PHKA2: variants seen among roughly 807,000 people sequenced by gnomAD.
PHKA2 encodes phosphorylase kinase regulatory subunit alpha 2.
A neutral mutation model predicts 102.0 loss-of-function variants in PHKA2; 31 were observed. The ratio of observed to expected loss-of-function variants is 0.30; its 90% confidence interval spans 0.23 to 0.41. PHKA2 has a LOEUF of 0.41. Among genes scored for constraint, PHKA2 ranks in the 10% least tolerant of loss-of-function variants. The pLI, the probability that PHKA2 is intolerant of heterozygous loss-of-function variation, is 1.00. For synonymous variants in PHKA2, 455 were observed against 416.2 expected, an observed-to-expected ratio of 1.09 and a Z score of -1.13; for missense variants, 858 against 1,023.1, an observed-to-expected ratio of 0.84 and a Z score of 2.20.
At chrX:18,939,937 T>C (rs2048463539) in intron 9 of PHKA2, 58 bp downstream of exon 9, 7 of 792,041 alleles carry the variant, frequency 8.8e-6, no homozygotes, top group Middle Eastern at 5.6e-4. Context: ...GAACAACACA[T>C]TGGCAACTTA....
Position 18,901,524 on chromosome X carries a change from C to G in PHKA2, c.2988G>C (p.Glu996Asp), listed in dbSNP as rs2047681116. 1 of 1,206,047 alleles carries G rather than the reference C, an allele frequency of 8.3e-7. No individual in the cohort carries two copies. Among genetic ancestry groups the G allele is most frequent in the East Asian group, 3.0e-5 (1 of 33,829 alleles). The change falls in exon 27 of 33, where the codon GAG (glutamate) becomes GAC (aspartate). Residue 996 changes from glutamate to aspartate, a missense_variant. Coordinates refer to ENST00000379942, the MANE Select transcript of PHKA2 (RefSeq NM_000292.3). ...EVGHTGVTKTERSGINRLRSE... is the reference protein window; with the variant it reads ...EVGHTGVTKTDRSGINRLRSE... ...TCCTCAGTCTGTTAATGCCACTCCT[C>G]TCAGTTTTGGTGACTCCGGTATGGC... is the stretch of plus-strand genomic sequence containing the variant.
chrX:18,948,292 G>T lies in PHKA2; in HGVS notation c.537+452C>A, dbSNP rs766161720. On this transcript the variant is annotated intron_variant, in intron 5 of 32. Transcript: ENST00000379942. ...AGTTTGAGACCAGCCTGGCCAACAT[G>T]GTGAAACCCCGTTTCTATTAAAAAT... Among the ~76,000 whole-genome samples the T allele has an allele frequency of 4.6e-3, 507 of 111,233 alleles. 4 individuals carry two copies. Among genetic ancestry groups the T allele is most frequent in the African/African-American group, 0.015 (455 of 30,613 alleles).
At chrX:18,921,467 A>G (rs928228462) in intron 17 of PHKA2, among the ~76,000 whole-genome samples, 1 of 111,927 alleles carries the variant, frequency 8.9e-6, no homozygotes, top group African/African-American at 3.2e-5. Context: ...AAAAGCCAAA[A>G]CTGTGACTCA....
chrX:18,925,628 G>T, intron 15 of PHKA2, 40 bp downstream of exon 15: 1 of 762,613 alleles, frequency 1.3e-6, no homozygotes, highest in Non-Finnish European at 2.1e-6. Flanking sequence ...ACAGCAAAGA[G>T]AACTTAAAAA....
chrX:18,904,629 T>C (rs180835657), intron 26 of PHKA2, among the ~76,000 whole-genome samples: 1 of 112,254 alleles, frequency 8.9e-6, no homozygotes, highest in African/African-American at 3.2e-5. Flanking sequence ...TGGAAATTAC[T>C]TTTGCAAAAG....
At chrX:18,900,821 G>A (rs2047666840) in intron 27 of PHKA2, 122 bp from the exon 28 acceptor site, 2 of 569,960 alleles carry the variant, frequency 3.5e-6, no homozygotes, top group Admixed American at 4.9e-5. Context: ...TGACCCATGA[G>A]TGCATCATGG....
chrX:18,963,089 C>T (rs1187719895), intron 1 of PHKA2, among the ~76,000 whole-genome samples: 1 of 112,740 alleles, frequency 8.9e-6, no homozygotes, highest in Non-Finnish European at 1.9e-5. Flanking sequence ...TCGTCCCTGT[C>T]CTGATGGAAA....
Position 18,937,621 on chromosome X carries a change from G to A in PHKA2, c.1041+1006C>T, listed in dbSNP as rs147993516. 6.1e-3 allele frequency among the ~76,000 whole-genome samples: 687 copies of A among 111,826 alleles called. 5 individuals carry two copies. Among genetic ancestry groups the A allele is most frequent in the African/African-American group, 0.021 (656 of 30,788 alleles). On this transcript the variant is annotated intron_variant, in intron 10 of 32. Transcript: ENST00000379942. ...ATGTCCTCGGCCTTTGAGAAGAGAG[G>A]AGGGCACATGGCCTGTTTAAAGGAC...
rs1244077133 is a variant in PHKA2 at position 18,970,004 on chromosome X, C to T, written c.78+13851G>A. On this transcript the variant is annotated intron_variant, in intron 1 of 32. Coordinates refer to ENST00000379942, the MANE Select transcript of PHKA2 (RefSeq NM_000292.3). ...CCTCTAACCCCAGCACTTTGGGAGG[C>T]TGAGGTGGGAGGATCGCTTAAGTCC... Among the ~76,000 whole-genome samples the T allele has an allele frequency of 2.7e-5, 3 of 111,956 alleles. No individual in the cohort carries two copies. In the East Asian group the frequency reaches 8.4e-4, roughly 31 times the overall value.
chrX:18,920,355 G>C (rs112088390), intron 17 of PHKA2, among the ~76,000 whole-genome samples, 154 bp from the exon 18 acceptor site: 1,557 of 111,692 alleles, frequency 0.014, 25 homozygotes, highest in African/African-American at 0.049. Context: ...GGTCAGCCAA[G>C]ACATTCAAAC....
rs1475136184 is a variant in PHKA2 at position 18,936,059 on chromosome X, T to C, written c.1133A>G (p.Asn378Ser). The C allele has an allele frequency of 3.3e-6, 4 of 1,197,108 alleles. No individual in the cohort carries two copies. Among genetic ancestry groups the C allele is most frequent in the East Asian group, 3.0e-5 (1 of 33,779 alleles). The change falls in exon 11 of 33, where the codon AAC (asparagine) becomes AGC (serine). Residue 378 changes from asparagine to serine, a missense_variant. By Grantham distance (46) the Asn-to-Ser change is conservative. Coordinates refer to ENST00000379942, the MANE Select transcript of PHKA2 (RefSeq NM_000292.3). ...LVPELYAVPP[N>S]KVDEEYKNPH... is the part of the protein sequence containing the mutation. ...GGCCCTCTGCCACTGGGTTACCTTGTTAGGCGGGACAGCGTAGAGTTCAGG... is the reference window on the plus strand; with the variant it reads ...GGCCCTCTGCCACTGGGTTACCTTGCTAGGCGGGACAGCGTAGAGTTCAGG...
intron 1 of PHKA2, among the ~76,000 whole-genome samples, chrX:18,958,976 C>T (rs1277569672): frequency 8.9e-6 from 1 of 112,154 alleles, no homozygotes; most frequent in African/African-American, 3.2e-5. Context: ...TCCCAAAGTG[C>T]TGGGATTATA....
chrX:18,955,373 AG>A (rs1569328889), intron 1 of PHKA2, among the ~76,000 whole-genome samples: 2 of 94,119 alleles, frequency 2.1e-5, no homozygotes, highest in African/African-American at 1.0e-4. Context: ...GGCTGCTAGT[AG>A]TTTTTTTTTT....
At chrX:18,902,884 C>G (rs1354794922) in intron 26 of PHKA2, 1 of 112,152 alleles carries the variant, frequency 8.9e-6, no homozygotes, top group African/African-American at 3.2e-5. Flanking sequence ...TCAAGACCAG[C>G]CTGGGCAGCA....
intron 3 of PHKA2, 141 bp downstream of exon 3, chrX:18,952,353 A>T: frequency 7.0e-6 from 3 of 431,227 alleles, no homozygotes; most frequent in Non-Finnish European, 1.2e-5. Flanking sequence ...AAAAAAAAAG[A>T]GAGAGAGAAA....
At chrX:18,908,258 A>T (rs2047859374) in intron 21 of PHKA2, among the ~76,000 whole-genome samples, 1 of 112,530 alleles carries the variant, frequency 8.9e-6, no homozygotes, top group Non-Finnish European at 1.9e-5. Flanking sequence ...CTGGCCTCAC[A>T]TAGCCTTCTC....
intron 17 of PHKA2, among the ~76,000 whole-genome samples, chrX:18,921,086 C>G (rs897262100): frequency 1.1e-4 from 12 of 110,982 alleles, no homozygotes; most frequent in Admixed American, 9.6e-4. Context: ...TTGAGCACCC[C>G]CCCCAAGTGG....
intron 9 of PHKA2, among the ~76,000 whole-genome samples, chrX:18,939,357 T>C (rs1468008379): frequency 9.1e-6 from 1 of 110,098 alleles, no homozygotes; most frequent in Non-Finnish European, 1.9e-5. Context: ...TTTTATTTTA[T>C]TTTTTTTGTA....
chrX:18,895,510 T>C, intron 30 of PHKA2: 1 of 295,464 alleles, frequency 3.4e-6, no homozygotes, highest in Non-Finnish European at 6.0e-6. Flanking sequence ...GCGAGGCCCC[T>C]TTGGTGCCAT....
Sources: allele counts gnomAD v4.1 joint callset (sites outside exome capture counted in the v4.1 genomes callset), GRCh38; gene constraint gnomAD v4.1.1; transcripts MANE v1.5; gene names NCBI Gene and HGNC (gene_info 2026-07-23, HGNC 2026-07-21).